SLC9B1: variants seen among roughly 807,000 people sequenced by gnomAD.
SLC9B1 encodes sodium/hydrogen exchanger 9B1.
Under a neutral mutation model 51.7 loss-of-function variants are expected in SLC9B1, and 32 were observed. That is an observed-to-expected ratio of 0.62 (90% CI 0.47 to 0.83). The LOEUF (loss-of-function observed/expected upper bound fraction) is 0.83, where lower values mean the gene tolerates loss of function less well. Among genes scored for constraint, SLC9B1 ranks in the 40% least tolerant of loss-of-function variants. The pLI, the probability that SLC9B1 is intolerant of heterozygous loss-of-function variation, is 0.00. For missense variants in SLC9B1, 406 were observed against 613.2 expected (o/e 0.66, Z 3.57); for synonymous variants, 145 against 212.7 (o/e 0.68, Z 2.77).
chr4:102,940,515 T>G (rs1298897159), intron 6 of SLC9B1, among the ~76,000 whole-genome samples: 1 of 152,018 alleles, frequency 6.6e-6, no homozygotes, highest in Non-Finnish European at 1.5e-5. Flanking sequence ...CTAAAATTCA[T>G]TTGGAGCCAA....
At chr4:103,010,893 A>T (rs183412195) in intron 1 of SLC9B1, among the ~76,000 whole-genome samples, 5 of 152,196 alleles carry the variant, frequency 3.3e-5, no homozygotes, top group Admixed American at 6.5e-5. Flanking sequence ...TTCAAACCAT[A>T]GCATTTTGCC....
chr4:102,924,538 A>G (rs1220626918), intron 7 of SLC9B1, among the ~76,000 whole-genome samples: 1 of 152,234 alleles, frequency 6.6e-6, no homozygotes, highest in African/African-American at 2.4e-5. Context: ...AATGGCAACA[A>G]AAGCCAAAAT....
At chr4:102,971,755 G>A (rs561446721) in intron 3 of SLC9B1, among the ~76,000 whole-genome samples, 2 of 151,946 alleles carry the variant, frequency 1.3e-5, no homozygotes, top group African/African-American at 2.4e-5. Context: ...AACTAATAAA[G>A]AAGAAAAGAG....
intron 11 of SLC9B1, among the ~76,000 whole-genome samples, chr4:102,903,915 G>A (rs920849349): frequency 1.4e-4 from 21 of 152,134 alleles, no homozygotes; most frequent in African/African-American, 5.1e-4. Flanking sequence ...TCTATCAAGG[G>A]GGCAGGGGCA....
In SLC9B1 at chr4:102,946,804, A is replaced by T. The variant is rs1159306748; in HGVS notation, c.383-15T>A. 6.4e-7 allele frequency: 1 copy of T among 1,574,318 alleles called. No homozygotes were observed. Among genetic ancestry groups the T allele is most frequent in the Non-Finnish European group, 8.6e-7 (1 of 1,167,012 alleles). On this transcript the variant is annotated splice_polypyrimidine_tract_variant and intron_variant, in intron 4 of 11. Transcript: ENST00000296422. ...CAGTAACATCCCTTAAAAGAAAGAA[A>T]ATAAAGATACATGACAGTTCATTTT...
intron 1 of SLC9B1, among the ~76,000 whole-genome samples, chr4:103,010,008 A>G (rs767880975): frequency 6.6e-6 from 1 of 152,186 alleles, no homozygotes; most frequent in Non-Finnish European, 1.5e-5. Flanking sequence ...ATTCAAATTG[A>G]CTGTCATTGT....
chr4:102,922,543 C>G (rs1735932953), intron 7 of SLC9B1, among the ~76,000 whole-genome samples: 1 of 151,606 alleles, frequency 6.6e-6, no homozygotes, highest in Non-Finnish European at 1.5e-5. Context: ...CAGCAGAAGG[C>G]AAAAAATAAG....
chr4:102,945,478 C>T (rs374342028), intron 5 of SLC9B1, among the ~76,000 whole-genome samples, 158 bp from the exon 6 acceptor site: 1 of 152,116 alleles, frequency 6.6e-6, no homozygotes, highest in Non-Finnish European at 1.5e-5. Flanking sequence ...AACTCTATTA[C>T]ATTTTATATG....
At chr4:102,955,696 T>C (rs545409599) in intron 3 of SLC9B1, among the ~76,000 whole-genome samples, 16 of 151,980 alleles carry the variant, frequency 1.1e-4, no homozygotes, top group Admixed American at 3.9e-4. Context: ...TGAGGGTCAA[T>C]AGGTGCAGCA....
intron 7 of SLC9B1, among the ~76,000 whole-genome samples, chr4:102,927,977 C>A (rs138557664): frequency 4.0e-5 from 6 of 150,816 alleles, no homozygotes; most frequent in African/African-American, 1.2e-4. Flanking sequence ...ATCACAAGGA[C>A]AGAAAACCAA....
chr4:102,967,476 CT>C (rs1335767551), intron 3 of SLC9B1, among the ~76,000 whole-genome samples: 1 of 152,178 alleles, frequency 6.6e-6, no homozygotes, highest in Non-Finnish European at 1.5e-5. Context: ...AAGAATGACA[CT>C]GGCATCTGCT....
intron 1 of SLC9B1, 145 bp from the exon 2 acceptor site, chr4:102,991,857 A>G: frequency 1.9e-6 from 1 of 533,198 alleles, no homozygotes; most frequent in Non-Finnish European, 3.2e-6. Context: ...CTTTATAGTC[A>G]ACATAGATCC....
At chr4:102,972,959 C>T (rs1166838301) in intron 3 of SLC9B1, among the ~76,000 whole-genome samples, 1 of 151,830 alleles carries the variant, frequency 6.6e-6, no homozygotes, top group African/African-American at 2.4e-5. Context: ...CAAGGGTAAT[C>T]GTGAATAGAA....
chr4:103,009,128 A>C (rs1740962779), intron 1 of SLC9B1, among the ~76,000 whole-genome samples: 2 of 152,194 alleles, frequency 1.3e-5, no homozygotes, highest in Admixed American at 1.3e-4. Flanking sequence ...CTATGATTCT[A>C]TTATCTGAGG....
intron 3 of SLC9B1, chr4:102,962,064 C>A: frequency 5.8e-6 from 2 of 343,492 alleles, no homozygotes; most frequent in East Asian, 1.6e-4. Flanking sequence ...TGGCATCCAG[C>A]CCACACCTGG....
chr4:102,954,023 T>C (rs1400777288), intron 3 of SLC9B1, among the ~76,000 whole-genome samples: 1 of 43,500 alleles, frequency 2.3e-5, no homozygotes, highest in South Asian at 8.4e-4. Context: ...ATAGGAGCGG[T>C]GAGAGAGGGC....
intron 3 of SLC9B1, chr4:102,961,919 G>C (rs1738156367): frequency 4.4e-6 from 1 of 228,946 alleles, no homozygotes; most frequent in South Asian, 6.3e-5. Flanking sequence ...GGGTGCTCCA[G>C]GGTGGCCAGT....
chr4:102,906,045 C>G (rs1735028121), intron 10 of SLC9B1, among the ~76,000 whole-genome samples: 1 of 152,148 alleles, frequency 6.6e-6, no homozygotes, highest in Non-Finnish European at 1.5e-5. Flanking sequence ...ACGCGATTCT[C>G]CTGCCTCAGC....
rs780761496 is a variant in SLC9B1 at position 102,905,490 on chromosome 4, G to A, written c.1332+24C>T. The A allele has an allele frequency of 5.0e-6, 8 of 1,591,120 alleles. No individual in the cohort carries two copies. The Admixed American group carries it at 1.4e-4, about 29-fold the overall frequency. Reference sequence around the variant, plus strand: ...AAAAGCATCAAAATGAAAGCATTAAGCAACAGGCTTAATATGTTCTTACCT... The same window carrying A: ...AAAAGCATCAAAATGAAAGCATTAAACAACAGGCTTAATATGTTCTTACCT... On this transcript the variant is annotated intron_variant, in intron 11 of 11. Coordinates refer to ENST00000296422, the MANE Select transcript of SLC9B1 (RefSeq NM_139173.4).
Sources: allele counts gnomAD v4.1 joint callset (sites outside exome capture counted in the v4.1 genomes callset), GRCh38; gene constraint gnomAD v4.1.1; transcripts MANE v1.5; gene names NCBI Gene and HGNC (gene_info 2026-07-23, HGNC 2026-07-21).